ZNF266: variants seen among roughly 807,000 people sequenced by gnomAD.
ZNF266 encodes zinc finger protein 1.
A neutral mutation model predicts 16.4 loss-of-function variants in ZNF266; 16 were observed. The ratio of observed to expected loss-of-function variants is 0.98; its 90% CI spans 0.66 to 1.48. The LOEUF is 1.48. Among genes scored for constraint, ZNF266 ranks in the 40% most tolerant of loss-of-function variants. The pLI is 0.00. For synonymous variants in ZNF266, 262 were observed against 237.9 expected (o/e 1.10, Z -0.93); for missense variants, 738 against 689.1 (o/e 1.07, Z -0.79).
intron 8 of ZNF266, 53 bp from the exon 9 acceptor site, chr19:9,417,961 A>C: frequency 1.3e-6 from 2 of 1,545,618 alleles, no homozygotes; most frequent in Non-Finnish European, 1.8e-6. Flanking sequence ...AGAGATGATA[A>C]ATCTTTCCAC....
chr19:9,425,160 A>G (rs749622150), intron 5 of ZNF266, among the ~76,000 whole-genome samples: 4 of 152,156 alleles, frequency 2.6e-5, no homozygotes, highest in African/African-American at 9.7e-5. Context: ...ATAAATAAGA[A>G]CTTTCCTTTG....
At chr19:9,431,710 C>G (rs189252717) in intron 5 of ZNF266, among the ~76,000 whole-genome samples, 1 of 152,128 alleles carries the variant, frequency 6.6e-6, no homozygotes, top group African/African-American at 2.4e-5. Flanking sequence ...CTGCTTCAAT[C>G]TTCCCTAAGG....
chr19:9,430,942 A>C (rs943310488), intron 5 of ZNF266, among the ~76,000 whole-genome samples: 4 of 152,196 alleles, frequency 2.6e-5, no homozygotes, highest in Non-Finnish European at 5.9e-5. Flanking sequence ...CCTCAAGGGC[A>C]ACCCTCTTCT....
At chr19:9,432,716 A>G (rs1010357703) in intron 5 of ZNF266, among the ~76,000 whole-genome samples, 3 of 152,294 alleles carry the variant, frequency 2.0e-5, no homozygotes, top group Admixed American at 2.0e-4. Context: ...ACATTTAAGA[A>G]AGACTAATAA....
At position 9,426,251 on chromosome 19, in the gene ZNF266, A is replaced by T. The variant is rs542762074; in HGVS notation, c.-129-6033T>A. Among the ~76,000 whole-genome samples, 157 of 152,242 alleles carry T rather than the reference A, an allele frequency of 1.0e-3. 3 individuals are homozygous for T. Among genetic ancestry groups the T allele is most frequent in the African/African-American group, 3.6e-3 (150 of 41,538 alleles). On this transcript the variant is annotated intron_variant, in intron 5 of 10. Transcript: ENST00000592904. The stretch of plus-strand genomic sequence containing the variant: ...GCCAGAGGACCCGGGGCCACTCGGG[A>T]CCACCGGGAGCTTGTCAGGTAAACA...
At chr19:9,429,761 C>T (rs1445170660) in intron 5 of ZNF266, among the ~76,000 whole-genome samples, 2 of 152,148 alleles carry the variant, frequency 1.3e-5, no homozygotes, top group Non-Finnish European at 2.9e-5. Context: ...TGTGCACACC[C>T]ACATACCCAA....
intron 5 of ZNF266, among the ~76,000 whole-genome samples, chr19:9,423,780 C>A (rs1265024777): frequency 6.6e-6 from 1 of 152,044 alleles, no homozygotes; most frequent in Non-Finnish European, 1.5e-5. Context: ...TGGATCGTTT[C>A]AGGTCAGGAG....
intron 5 of ZNF266, among the ~76,000 whole-genome samples, chr19:9,421,196 C>A (rs556285567): frequency 1.3e-5 from 2 of 152,066 alleles, no homozygotes; most frequent in East Asian, 1.9e-4. Context: ...CCAGATACAC[C>A]CCCACAAGGA....
chr19:9,416,052 G>A (rs1599435698), intron 9 of ZNF266, among the ~76,000 whole-genome samples: 1 of 151,612 alleles, frequency 6.6e-6, no homozygotes, highest in Non-Finnish European at 1.5e-5. Context: ...TCAAACTCCT[G>A]ACCTCGTGAT....
rs2069321223 is a variant in ZNF266 at position 9,418,014 on chromosome 19, T to C, written c.236-106A>G. 1.9e-5 allele frequency: 22 copies of C among 1,155,904 alleles called. 1 individual carries two copies. The South Asian group carries it at 2.7e-4, about 14-fold the overall frequency. The allele number at this position is 1,155,904 out of a possible 1,614,324, so 71.6% of individuals were successfully genotyped here. ...TCCAATGGAAGCAGTGAAATTATTTTAAAAGGGCTAAAAATGCAAATATCG... is the reference window on the plus strand; with the variant it reads ...TCCAATGGAAGCAGTGAAATTATTTCAAAAGGGCTAAAAATGCAAATATCG... On this transcript the variant is annotated intron_variant, in intron 8 of 10. Coordinates refer to ENST00000592904, the MANE Select transcript of ZNF266 (RefSeq NM_001370374.1).
At chr19:9,428,461 C>G (rs1310806300) in intron 5 of ZNF266, among the ~76,000 whole-genome samples, 2 of 152,212 alleles carry the variant, frequency 1.3e-5, no homozygotes, top group African/African-American at 4.8e-5. Flanking sequence ...TAAGTGAACA[C>G]TAATGGGAGT....
chr19:9,435,078 C>T (rs2072267775), intron 2 of ZNF266, 30 bp downstream of exon 2: 1 of 152,108 alleles, frequency 6.6e-6, no homozygotes, highest in Non-Finnish European at 1.5e-5. Context: ...GGAAGAAGCC[C>T]CCGAAACCAA....
chr19:9,415,516 G>A, intron 10 of ZNF266, 138 bp downstream of exon 10: 1 of 654,620 alleles, frequency 1.5e-6, no homozygotes, highest in Non-Finnish European at 2.6e-6. Context: ...GGCCTCAAGT[G>A]ATCCTCCCAC....
At chr19:9,432,548 A>T (rs1278708326) in intron 5 of ZNF266, among the ~76,000 whole-genome samples, 1 of 152,212 alleles carries the variant, frequency 6.6e-6, no homozygotes, top group African/African-American at 2.4e-5. Flanking sequence ...CTTTAAGCGA[A>T]ATGACATACA....
At position 9,418,632 on chromosome 19, in the gene ZNF266, C is replaced by T. The variant is rs2069414544; in HGVS notation, c.109-1G>A. On this transcript the variant is annotated splice_acceptor_variant, in intron 7 of 10. Coordinates refer to ENST00000592904, the MANE Select transcript of ZNF266 (RefSeq NM_001370374.1). LOFTEE classifies it high-confidence loss of function. ...CCAGATCATCAAAAGTCACTGAATCCTAAACCATCACACACATGCTGGCTT... is the reference window on the plus strand; with the variant it reads ...CCAGATCATCAAAAGTCACTGAATCTTAAACCATCACACACATGCTGGCTT... 7.3e-7 allele frequency: 1 copy of T among 1,368,220 alleles called. No individual in the cohort carries two copies. The highest frequency in any genetic ancestry group is 1.4e-5 in the African/African-American group (1 of 70,016). 84.8% of individuals were successfully genotyped at this position (1,368,220 alleles called of 1,614,324 possible).
At chr19:9,429,756 A>T (rs976141024) in intron 5 of ZNF266, among the ~76,000 whole-genome samples, 3 of 152,136 alleles carry the variant, frequency 2.0e-5, no homozygotes, top group African/African-American at 4.8e-5. Context: ...TCAAATGTGC[A>T]CACCCACATA....
At position 9,421,227 on chromosome 19, in the gene ZNF266, G is replaced by A. The variant is rs147317052; in HGVS notation, c.-129-1009C>T. Among the ~76,000 whole-genome samples, 714 of 152,128 alleles carry A rather than the reference G, an allele frequency of 4.7e-3. 5 individuals carry two copies. Among genetic ancestry groups the A allele is most frequent in the African/African-American group, 0.016 (684 of 41,504 alleles). On this transcript the variant is annotated intron_variant, in intron 5 of 10. Transcript: ENST00000592904. The stretch of plus-strand genomic sequence containing the variant: ...AAGGACGCTACAGCCTTTATTCTAT[G>A]AATGAGAAGGCTGAAACTCTGAGGT...
intron 9 of ZNF266, among the ~76,000 whole-genome samples, chr19:9,416,147 C>T (rs570344575): frequency 1.8e-4 from 28 of 151,922 alleles, no homozygotes; most frequent in East Asian, 7.8e-4. Flanking sequence ...AAATTAAACA[C>T]GGTAACAAAA....
At chr19:9,428,704 C>G (rs972428865) in intron 5 of ZNF266, among the ~76,000 whole-genome samples, 5 of 137,736 alleles carry the variant, frequency 3.6e-5, no homozygotes, top group Non-Finnish European at 7.8e-5. Flanking sequence ...AAAACTGTCC[C>G]TTCCAGGGTG....
Sources: gnomAD v4.1 joint callset for allele counts (sites outside exome capture counted in the v4.1 genomes callset) on GRCh38, gnomAD v4.1.1 for gene constraint, MANE v1.5 for transcripts, NCBI Gene and HGNC (gene_info 2026-07-23, HGNC 2026-07-21) for gene names.